Variants in RYR1 observed in about 807,000 individuals in gnomAD.
The protein encoded by RYR1 is central core disease of muscle.
Under a neutral mutation model 583.5 loss-of-function variants are expected in RYR1, and 342 were observed. The observed-to-expected ratio is 0.59, with a 90% CI of 0.54 to 0.64. The LOEUF (loss-of-function observed/expected upper bound fraction) is 0.64, where lower values mean the gene tolerates loss of function less well. RYR1 is among the 30% of genes least tolerant of loss of function. The probability of loss-of-function intolerance (pLI) is 0.00; values close to 1 mark genes in which losing one functional copy is unlikely to be tolerated. For missense variants in RYR1, 6,032 were observed against 6,917.2 expected, an observed-to-expected ratio of 0.87 and a Z score of 4.54; for synonymous variants, 2,791 against 2,822.5, an observed-to-expected ratio of 0.99 and a Z score of 0.35.
intron 29 of RYR1, among the ~76,000 whole-genome samples, chr19:38,476,499 A>G (rs1038132507): frequency 6.6e-6 from 1 of 151,972 alleles, no homozygotes; most frequent in African/African-American, 2.4e-5. Flanking sequence ...GCCTGGCCTA[A>G]TTTTTGTATT....
intron 11 of RYR1, among the ~76,000 whole-genome samples, chr19:38,450,531 G>A (rs984940728): frequency 1.3e-5 from 2 of 152,088 alleles, no homozygotes; most frequent in Non-Finnish European, 2.9e-5. Context: ...TGCAGAGAAG[G>A]GTCCCAGAAA....
intron 90 of RYR1, among the ~76,000 whole-genome samples, chr19:38,563,304 T>C (rs1973239231): frequency 6.6e-6 from 1 of 152,220 alleles, no homozygotes; most frequent in African/African-American, 2.4e-5. Flanking sequence ...TCGCTCTTGT[T>C]GACCAGGCTG....
intron 29 of RYR1, 65 bp downstream of exon 29, chr19:38,475,515 A>G: frequency 3.1e-6 from 5 of 1,602,782 alleles, no homozygotes; most frequent in Admixed American, 3.3e-5. Flanking sequence ...TGAATTTCCA[A>G]GTTTAGTGTG....
At chr19:38,525,754 T>C (rs1433527834) in intron 71 of RYR1, among the ~76,000 whole-genome samples, 3 of 151,518 alleles carry the variant, frequency 2.0e-5, no homozygotes, top group African/African-American at 7.3e-5. Flanking sequence ...CTAGAAAAGC[T>C]CTAGGACCCC....
intron 2 of RYR1, 79 bp downstream of exon 2, chr19:38,440,943 C>T: frequency 7.0e-7 from 1 of 1,435,682 alleles, no homozygotes; most frequent in Non-Finnish European, 9.5e-7. Context: ...GAAGAGGGTT[C>T]TGGGAGTCTG....
chr19:38,577,804 A>G (rs1431727379), intron 97 of RYR1, 114 bp from the exon 98 acceptor site: 2 of 1,417,692 alleles, frequency 1.4e-6, no homozygotes, highest in East Asian at 2.3e-5. Context: ...AAAAAAAAAA[A>G]TGCACCTCCC....
chr19:38,532,215 G>A (rs1600948771), intron 76 of RYR1, among the ~76,000 whole-genome samples: 1 of 150,770 alleles, frequency 6.6e-6, no homozygotes, highest in African/African-American at 2.5e-5. Flanking sequence ...TCTGCCTCCC[G>A]GGTTCAAGCA....
chr19:38,448,810 G>A lies in RYR1; in HGVS notation c.1119G>A (p.Lys373=). ...CCCTGCGGCTCGGCGTGCTCAAGAA[G>A]AAGGTGGGTGTAATCCCAGCTACTC... The part of the protein sequence containing the change: ...PKALRLGVLK[K]KAMLHQEGHM... Residue 373 remains lysine (K), a synonymous_variant, in exon 11 of 106, where the codon AAG becomes AAA. Coordinates refer to ENST00000359596, the MANE Select transcript of RYR1 (RefSeq NM_000540.3). 1 of 1,613,616 alleles carries A rather than the reference G, an allele frequency of 6.2e-7. No individual in the cohort carries two copies. Among genetic ancestry groups the A allele is most frequent in the Non-Finnish European group, 8.5e-7 (1 of 1,179,976 alleles).
intron 49 of RYR1, among the ~76,000 whole-genome samples, chr19:38,503,813 C>T (rs1415359182): frequency 6.6e-6 from 1 of 152,044 alleles, no homozygotes. Flanking sequence ...AGTGGAGGCC[C>T]TCTTCCCAAT....
intron 89 of RYR1, among the ~76,000 whole-genome samples, chr19:38,549,698 C>CTTTTTTTTTT (rs71165559): frequency 1.9e-5 from 1 of 52,444 alleles, no homozygotes; most frequent in Non-Finnish European, 3.2e-5. Flanking sequence ...CTTTCCTTTC[C>CTTTTTTTTTT]TTTTTTTTTT....
In RYR1 at chr19:38,523,995, A is replaced by G. The variant is rs1971347284; in HGVS notation, c.10455+66A>G. Reference sequence around the variant, plus strand: ...AATGCCCTCTTCCCCCAGCCTCTGCACGCCCCCGCCTCGAGAAAACCCCTG... The same window carrying G: ...AATGCCCTCTTCCCCCAGCCTCTGCGCGCCCCCGCCTCGAGAAAACCCCTG... On this transcript the variant is annotated intron_variant, in intron 70 of 105. Transcript: ENST00000359596. 3 of 1,570,340 alleles carry G rather than the reference A, an allele frequency of 1.9e-6. No individual in the cohort carries two copies. The Admixed American group carries it at 5.3e-5, about 28-fold the overall frequency.
At chr19:38,518,641 G>T (rs1971081664) in intron 66 of RYR1, among the ~76,000 whole-genome samples, 1 of 150,692 alleles carries the variant, frequency 6.6e-6, no homozygotes, top group Admixed American at 6.6e-5. Flanking sequence ...TAAGGGTGAG[G>T]TAACAGGCCA....
At chr19:38,441,110 G>A (rs554212486) in intron 2 of RYR1, among the ~76,000 whole-genome samples, 5 of 151,826 alleles carry the variant, frequency 3.3e-5, no homozygotes, top group East Asian at 1.9e-4. Flanking sequence ...AGGCCAGGGC[G>A]GGGGCTGCTG....
In RYR1 at chr19:38,499,778, G is replaced by T; in HGVS notation, c.7171G>T (p.Ala2391Ser). ...EEAIRISEDPARDGPGIRRDR... is the reference protein window; with the variant it reads ...EEAIRISEDPSRDGPGIRRDR... ...GGCCATCCGCATCTCCGAGGACCCT[G>T]CGAGGGATGGCCCAGGCATCCGCAG... The change falls in exon 44 of 106, where the codon GCG (alanine) becomes TCG (serine). Residue 2391 changes from alanine (A) to serine (S), a missense_variant. Around this residue, in one of 11 missense-constraint regions of RYR1, gnomAD observed 2,627 missense variants for 2,961.3 expected, o/e 0.89. Transcript: ENST00000359596. The surrounding 1 kb of genome is among the most constrained non-coding windows in gnomAD (Gnocchi z 7.3). 1.2e-6 allele frequency: 2 copies of T among 1,603,150 alleles called. No homozygotes were observed. The highest frequency in any genetic ancestry group is 1.1e-5 in the South Asian group (1 of 90,654).
intron 75 of RYR1, 104 bp from the exon 76 acceptor site, chr19:38,528,847 G>A (rs1971603335): frequency 6.9e-7 from 1 of 1,454,448 alleles, no homozygotes; most frequent in Admixed American, 1.8e-5. Flanking sequence ...TAGGGCGCAG[G>A]ATGTGGGAAA....
intron 67 of RYR1, among the ~76,000 whole-genome samples, chr19:38,521,145 C>T (rs1971210892): frequency 6.6e-6 from 1 of 151,874 alleles, no homozygotes; most frequent in Non-Finnish European, 1.5e-5. Flanking sequence ...ATTAGTCAGG[C>T]ATGGTGACAC....
Position 38,573,047 on chromosome 19 carries a change from C to G in RYR1, c.13999-130C>G, listed in dbSNP as rs554730550. Reference sequence around the variant, plus strand: ...CCCTCTGCCTGGGCCTCATTTCTACCCTTATCACTGGGAAAGCACTTCTGA... The same window carrying G: ...CCCTCTGCCTGGGCCTCATTTCTACGCTTATCACTGGGAAAGCACTTCTGA... On this transcript the variant is annotated intron_variant, in intron 95 of 105. Transcript: ENST00000359596. 1.3e-4 allele frequency: 186 copies of G among 1,467,728 alleles called. 2 individuals carry two copies. In the Admixed American group the frequency reaches 1.5e-3, roughly 12 times the overall value. The allele number at this position is 1,467,728 out of a possible 1,614,324, so 90.9% of individuals were successfully genotyped here. A position where few individuals can be genotyped will look rare whatever the true frequency, so the allele number is the denominator to read the frequency against.
intron 96 of RYR1, among the ~76,000 whole-genome samples, chr19:38,573,821 A>G (rs1165554209): frequency 1.3e-5 from 2 of 152,170 alleles, no homozygotes; most frequent in South Asian, 2.1e-4. Flanking sequence ...TGAGGTTGGC[A>G]CACAGAGATT....
rs1264695554 is a variant in RYR1 at position 38,490,270 on chromosome 19, G to A, written c.6009G>A (p.Gln2003=). Residue 2003 remains glutamine, a synonymous_variant, in exon 36 of 106, where the codon CAG becomes CAA. Transcript: ENST00000359596. ...RRTREFRSPP[Q]EQINMLLQFK... ...CCCGCGAGTTCCGCTCCCCACCCCA[G>A]GAACAGGTCATCTGACCCCTGACGC... is the stretch of plus-strand genomic sequence containing the variant. The A allele has an allele frequency of 6.2e-7, 1 of 1,613,714 alleles. No individual in the cohort carries two copies. The highest frequency in any genetic ancestry group is 2.2e-5 in the East Asian group (1 of 44,864).
Sources: gnomAD v4.1 joint callset for allele counts (sites outside exome capture counted in the v4.1 genomes callset) on GRCh38, gnomAD v4.1.1 for gene constraint, gnomAD v4.1.1 regional missense constraint, Gnocchi (gnomAD v3.1) non-coding constraint, MANE v1.5 for transcripts, NCBI Gene and HGNC (gene_info 2026-07-23, HGNC 2026-07-21) for gene names.